DENND5B: variants seen among roughly 807,000 people sequenced by gnomAD.
The protein encoded by DENND5B is DENN domain-containing protein 5B.
In DENND5B, 34 loss-of-function variants were observed where a neutral mutation model predicts 140.6. That is an observed-to-expected ratio of 0.24 (90% CI 0.18 to 0.32). The LOEUF (loss-of-function observed/expected upper bound fraction) is 0.32. Among genes scored for constraint, DENND5B ranks in the 10% least tolerant of loss-of-function variants. The pLI is 1.00. For synonymous variants in DENND5B, 551 were observed against 562.1 expected (o/e 0.98, Z 0.28); for missense variants, 1,142 against 1,560.2 (o/e 0.73, Z 4.52).
chr12:31,433,608 C>T (rs1447159086), intron 7 of DENND5B, among the ~76,000 whole-genome samples: 1 of 152,068 alleles, frequency 6.6e-6, no homozygotes, highest in Admixed American at 6.6e-5. Flanking sequence ...CCTTGACTTG[C>T]TCAAAGTAAA....
At chr12:31,511,183 G>A (rs1947395780) in intron 1 of DENND5B, among the ~76,000 whole-genome samples, 2 of 152,270 alleles carry the variant, frequency 1.3e-5, no homozygotes, top group African/African-American at 4.8e-5. Flanking sequence ...AGACTGCAAT[G>A]AGCTGTGACT....
At chr12:31,511,116 G>A (rs1565651555) in intron 1 of DENND5B, among the ~76,000 whole-genome samples, 1 of 152,118 alleles carries the variant, frequency 6.6e-6, no homozygotes, top group Non-Finnish European at 1.5e-5. Flanking sequence ...GCATGAGCCT[G>A]TAGTCCCAGC....
chr12:31,442,748 A>C (rs779423832), intron 7 of DENND5B, 27 bp downstream of exon 7: 2 of 1,604,550 alleles, frequency 1.2e-6, no homozygotes, highest in South Asian at 1.1e-5. Flanking sequence ...TCCTTCAACC[A>C]ACTACTCAAG....
chr12:31,560,412 TC>T (rs1205139725), intron 1 of DENND5B, among the ~76,000 whole-genome samples: 1 of 152,038 alleles, frequency 6.6e-6, no homozygotes, highest in Non-Finnish European at 1.5e-5. Flanking sequence ...TCCAAATATG[TC>T]CAGAAATTGA....
At chr12:31,504,063 T>C (rs1368099498) in intron 1 of DENND5B, among the ~76,000 whole-genome samples, 1 of 152,180 alleles carries the variant, frequency 6.6e-6, no homozygotes, top group East Asian at 1.9e-4. Flanking sequence ...AAAGTCCAAT[T>C]AACTTCAGTT....
At position 31,458,080 on chromosome 12, in the gene DENND5B, T is replaced by C. The variant is rs563181899; in HGVS notation, c.1092+2114A>G. ...TTATTCTACTCTATGAACAGATGAG[T>C]ATACGTATTTATTAAGCAGTGTTGA... On this transcript the variant is annotated intron_variant, in intron 4 of 20. Coordinates refer to ENST00000389082, the MANE Select transcript of DENND5B (RefSeq NM_144973.4). Among the ~76,000 whole-genome samples, 12 of 152,330 alleles carry C rather than the reference T, an allele frequency of 7.9e-5. No individual in the cohort carries two copies. In the East Asian group the frequency reaches 2.3e-3, roughly 29 times the overall value.
intron 14 of DENND5B, among the ~76,000 whole-genome samples, chr12:31,408,166 T>C (rs1942238570): frequency 6.7e-6 from 1 of 149,492 alleles, no homozygotes; most frequent in South Asian, 2.1e-4. Flanking sequence ...CATGGTGACA[T>C]ATGCCTATAT....
intron 1 of DENND5B, among the ~76,000 whole-genome samples, chr12:31,556,964 A>G (rs1033391077): frequency 3.3e-5 from 5 of 152,204 alleles, no homozygotes; most frequent in Non-Finnish European, 1.5e-5. Flanking sequence ...GCTGCTTAAA[A>G]TAACAAAAAA....
At chr12:31,463,799 G>A (rs888293432) in intron 3 of DENND5B, among the ~76,000 whole-genome samples, 3 of 152,108 alleles carry the variant, frequency 2.0e-5, no homozygotes, top group African/African-American at 4.8e-5. Context: ...CTGAGTAGCT[G>A]GGATTACAGG....
chr12:31,424,725 G>A (rs1426231063), intron 9 of DENND5B, 38 bp from the exon 10 acceptor site: 3 of 1,595,802 alleles, frequency 1.9e-6, no homozygotes, highest in Middle Eastern at 1.7e-4. Flanking sequence ...CACCCCAGCA[G>A]TGAAACCAAA....
intron 1 of DENND5B, among the ~76,000 whole-genome samples, chr12:31,502,893 AC>A (rs1196687153): frequency 6.6e-6 from 1 of 152,158 alleles, no homozygotes; most frequent in Non-Finnish European, 1.5e-5. Flanking sequence ...ATCTAAGAGA[AC>A]CCTGAAATCA....
rs548775107 is a variant in DENND5B, at chr12:31,422,839, A to T, written c.2470+758T>A. Among the ~76,000 whole-genome samples, 3 of 152,200 alleles carry T rather than the reference A, an allele frequency of 2.0e-5. No individual in the cohort carries two copies. In the South Asian group the frequency reaches 6.2e-4, roughly 32 times the overall value. On this transcript the variant is annotated intron_variant, in intron 11 of 20. Transcript: ENST00000389082. ...GCTAAAAAATTATGACACTTCTAAC[A>T]TGTTATATTTTCTATAAATTGAAGA...
At chr12:31,574,289 A>ATTATTATT (rs1565710000) in intron 1 of DENND5B, among the ~76,000 whole-genome samples, 17 of 140,796 alleles carry the variant, frequency 1.2e-4, no homozygotes, top group African/African-American at 4.5e-4. Flanking sequence ...TAATAATAAT[A>ATTATTATT]ATAATAATTT....
intron 1 of DENND5B, among the ~76,000 whole-genome samples, chr12:31,521,987 C>A (rs1299604171): frequency 6.6e-6 from 1 of 152,150 alleles, no homozygotes; most frequent in South Asian, 2.1e-4. Context: ...CCCTTGGCTA[C>A]CCTCTTCAAT....
intron 1 of DENND5B, among the ~76,000 whole-genome samples, chr12:31,570,666 ACT>A (rs756555474): frequency 6.6e-6 from 1 of 151,492 alleles, no homozygotes. Flanking sequence ...TTTTTTTGGC[ACT>A]GTCATTATTA....
At chr12:31,433,501 G>T (rs180986558) in intron 7 of DENND5B, among the ~76,000 whole-genome samples, 2 of 152,122 alleles carry the variant, frequency 1.3e-5, no homozygotes, top group African/African-American at 2.4e-5. Flanking sequence ...AGGTCAAAAA[G>T]GCACAGTATC....
chr12:31,578,925 A>G (rs1209590182), intron 1 of DENND5B, among the ~76,000 whole-genome samples: 1 of 152,252 alleles, frequency 6.6e-6, no homozygotes, highest in Admixed American at 6.5e-5. Context: ...TATTGTGAGA[A>G]TTAGCGTTTA....
rs1237808996 is a variant in DENND5B, at chr12:31,415,430, C to T, written c.2489G>A (p.Arg830Lys). The change falls in exon 12 of 21, where the codon AGA becomes AAA. Residue 830 changes from arginine to lysine, a missense_variant. This residue lies in a region of DENND5B where 268 missense variants were observed against 349.2 expected (regional missense o/e 0.77). Transcript: ENST00000389082. ...AESPVALGPERRKSDSGVMLP... is the reference protein window; with the variant it reads ...AESPVALGPEKRKSDSGVMLP... ...CATAACTCCTGAGTCAGATTTTCTT[C>T]TTTCTGGTCCGAGGGCAACTATGTA... 6.2e-7 allele frequency: 1 copy of T among 1,608,588 alleles called. No individual in the cohort carries two copies. Among genetic ancestry groups the T allele is most frequent in the Non-Finnish European group, 8.5e-7 (1 of 1,177,372 alleles).
intron 1 of DENND5B, among the ~76,000 whole-genome samples, chr12:31,580,111 C>G (rs1950168657): frequency 6.6e-6 from 1 of 152,038 alleles, no homozygotes; most frequent in Non-Finnish European, 1.5e-5. Flanking sequence ...AAAACCACAA[C>G]TGAAGCTACA....
Sources: gnomAD v4.1 joint callset for allele counts (sites outside exome capture counted in the v4.1 genomes callset) on GRCh38, gnomAD v4.1.1 for gene constraint, gnomAD v4.1.1 regional missense constraint, MANE v1.5 for transcripts, NCBI Gene and HGNC (gene_info 2026-07-23, HGNC 2026-07-21) for gene names.